NFASC: variants seen among roughly 807,000 people sequenced by gnomAD.
The protein encoded by NFASC is neurofascin.
NFASC carries 43 observed loss-of-function variants against 147.5 expected under a neutral mutation model. That is an observed-to-expected ratio of 0.29 (90% CI 0.23 to 0.38). NFASC has a LOEUF of 0.38. Ranked by LOEUF, NFASC falls within the 10% of genes least tolerant of loss-of-function variation. The pLI is 1.00. For missense variants in NFASC, 1,320 were observed against 1,689.0 expected, an observed-to-expected ratio of 0.78 and a Z score of 3.83; for synonymous variants, 622 against 665.5, an observed-to-expected ratio of 0.93 and a Z score of 1.01.
chr1:204,927,115 A>G (rs1159075788), intron 2 of NFASC, among the ~76,000 whole-genome samples: 1 of 152,130 alleles, frequency 6.6e-6, no homozygotes, highest in Non-Finnish European at 1.5e-5. Flanking sequence ...GATGGATGAT[A>G]CAATTCAGTG....
Position 204,986,178 on chromosome 1 carries a change from G to A in NFASC, c.2471-1240G>A. 1.6e-6 allele frequency: 2 copies of A among 1,285,602 alleles called. No individual in the cohort carries two copies. Among genetic ancestry groups the A allele is most frequent in the African/African-American group, 1.5e-5 (1 of 68,416 alleles). 79.6% of individuals were successfully genotyped at this position (1,285,602 alleles called of 1,614,324 possible). On this transcript the variant is annotated intron_variant, in intron 21 of 29. Coordinates refer to ENST00000339876, the MANE Select transcript of NFASC (RefSeq NM_001005388.3). The surrounding 1 kb of genome is among the most constrained non-coding windows in gnomAD (Gnocchi z 4.2). ...AAGGGTGGCACACACCTTGGGCCTGGAGAAACTCCAGCGTGGCTCAGCATG... is the reference window on the plus strand; with the variant it reads ...AAGGGTGGCACACACCTTGGGCCTGAAGAAACTCCAGCGTGGCTCAGCATG...
At chr1:204,895,986 G>A (rs2083308021) in intron 1 of NFASC, among the ~76,000 whole-genome samples, 1 of 152,202 alleles carries the variant, frequency 6.6e-6, no homozygotes, top group African/African-American at 2.4e-5. Context: ...GTTCTGCAAA[G>A]GGGATCAGTG....
intron 1 of NFASC, among the ~76,000 whole-genome samples, chr1:204,851,626 C>A (rs2075707360): frequency 6.6e-6 from 1 of 152,086 alleles, no homozygotes; most frequent in African/African-American, 2.4e-5. Flanking sequence ...AGCCACCACA[C>A]CAGGTCAAAT....
At chr1:204,858,707 T>A (rs1403742994) in intron 1 of NFASC, among the ~76,000 whole-genome samples, 6 of 152,098 alleles carry the variant, frequency 3.9e-5, no homozygotes, top group Non-Finnish European at 7.4e-5. Context: ...TCATTTTCCT[T>A]GACTGTCTCA....
intron 1 of NFASC, among the ~76,000 whole-genome samples, chr1:204,845,087 C>T (rs373347725): frequency 4.6e-5 from 7 of 152,010 alleles, no homozygotes; most frequent in African/African-American, 1.5e-4. Flanking sequence ...CCTCTGTGCC[C>T]GAGCTGTCTT....
intron 3 of NFASC, 46 bp downstream of exon 3, chr1:204,944,452 C>CCTTT: frequency 1.5e-6 from 1 of 684,558 alleles, no homozygotes; most frequent in African/African-American, 1.9e-5. Context: ...TGATTTTGGG[C>CCTTT]AGAGGGGTGG....
chr1:204,900,299 T>C (rs2084281025), intron 1 of NFASC, among the ~76,000 whole-genome samples: 1 of 152,124 alleles, frequency 6.6e-6, no homozygotes, highest in African/African-American at 2.4e-5. Context: ...TTCAAAGAAT[T>C]CACAGCCTAC....
chr1:204,950,455 C>A, intron 3 of NFASC, 102 bp from the exon 4 acceptor site: 1 of 1,093,536 alleles, frequency 9.1e-7, no homozygotes, highest in Non-Finnish European at 1.4e-6. Context: ...GCACACCCCG[C>A]CCACTCCCTG....
intron 5 of NFASC, 93 bp downstream of exon 5, chr1:204,952,209 C>T: frequency 1.0e-6 from 1 of 974,484 alleles, no homozygotes; most frequent in Non-Finnish European, 1.6e-6. Flanking sequence ...GAAAATTGGA[C>T]TCATCCATTC....
intron 8 of NFASC, among the ~76,000 whole-genome samples, chr1:204,963,320 G>A (rs1013611154): frequency 1.3e-5 from 2 of 152,298 alleles, no homozygotes; most frequent in Admixed American, 6.5e-5. Context: ...AACTACTATT[G>A]TGTTAAGAGC....
intron 8 of NFASC, among the ~76,000 whole-genome samples, chr1:204,967,286 C>T (rs1250469532): frequency 6.6e-6 from 1 of 152,170 alleles, no homozygotes; most frequent in Non-Finnish European, 1.5e-5. Flanking sequence ...GGAAAATTCT[C>T]GTTCTTTTCC....
intron 1 of NFASC, among the ~76,000 whole-genome samples, chr1:204,882,971 A>G (rs1030349891): frequency 2.0e-5 from 3 of 152,066 alleles, no homozygotes; most frequent in South Asian, 2.1e-4. Context: ...ACGCCTACAT[A>G]TGAGTCAAGT....
chr1:204,904,255 G>A (rs2085292831), intron 1 of NFASC, among the ~76,000 whole-genome samples: 1 of 152,058 alleles, frequency 6.6e-6, no homozygotes, highest in African/African-American at 2.4e-5. Context: ...ATGCAACCAA[G>A]CCCGTCTAAT....
chr1:204,830,657 T>TAG (rs10671660), intron 1 of NFASC, among the ~76,000 whole-genome samples: 30,507 of 147,098 alleles, frequency 0.21, 4,703 homozygotes, highest in East Asian at 0.56. Context: ...GATGTGTGTA[T>TAG]AGAGAGAGAG....
chr1:204,953,867 C>T (rs546038291), intron 5 of NFASC, among the ~76,000 whole-genome samples: 26 of 152,316 alleles, frequency 1.7e-4, no homozygotes, highest in African/African-American at 5.8e-4. Context: ...TCCTCAATAA[C>T]GTGTTTAACA....
At chr1:204,869,439 T>C (rs773316098) in intron 1 of NFASC, among the ~76,000 whole-genome samples, 15 of 152,264 alleles carry the variant, frequency 9.9e-5, no homozygotes, top group Non-Finnish European at 2.2e-4. Flanking sequence ...ATTCTTCTCC[T>C]ATATTTATAA....
chr1:204,883,122 G>A (rs2080608263), intron 1 of NFASC, among the ~76,000 whole-genome samples: 2 of 152,028 alleles, frequency 1.3e-5, no homozygotes, highest in Admixed American at 6.5e-5. Context: ...ACAAGGAAGG[G>A]GTGAGCCTCA....
At chr1:204,926,666 C>A (rs1255899312) in intron 2 of NFASC, among the ~76,000 whole-genome samples, 1 of 151,300 alleles carries the variant, frequency 6.6e-6, no homozygotes, top group Non-Finnish European at 1.5e-5. Flanking sequence ...CACCCACCTC[C>A]ACCTCCTAAA....
chr1:204,887,586 C>CT (rs200468415), intron 1 of NFASC, among the ~76,000 whole-genome samples: 2,062 of 42,324 alleles, frequency 0.049, 735 homozygotes, highest in Non-Finnish European at 0.065. Flanking sequence ...GCCTGATTGG[C>CT]TTTTTTTTTT....
Sources: allele counts gnomAD v4.1 joint callset (sites outside exome capture counted in the v4.1 genomes callset), GRCh38; gene constraint gnomAD v4.1.1; non-coding constraint Gnocchi (gnomAD v3.1); transcripts MANE v1.5; gene names NCBI Gene and HGNC (gene_info 2026-07-23, HGNC 2026-07-21).